Variants in CILK1 observed in about 807,000 individuals in gnomAD.
CILK1 encodes the protein serine/threonine-protein kinase ICK.
CILK1 carries 47 observed loss-of-function variants against 79.2 expected under a neutral mutation model. The observed-to-expected ratio is 0.59, with a 90% CI of 0.47 to 0.76. CILK1 has a LOEUF of 0.76. Ranked by LOEUF, CILK1 falls within the 30% of genes least tolerant of loss-of-function variation. The pLI is 0.00. For missense variants in CILK1, 660 were observed against 769.5 expected, an observed-to-expected ratio of 0.86 and a Z score of 1.68; for synonymous variants, 266 against 275.9, an observed-to-expected ratio of 0.96 and a Z score of 0.36.
rs1235591417 is a variant in CILK1, at chr6:53,009,360, C to T, written c.1621+79G>A. On this transcript the variant is annotated intron_variant, in intron 12 of 13. Coordinates refer to ENST00000676107, the MANE Select transcript of CILK1 (RefSeq NM_014920.5). ...AGGCCCCTGTGCTTCCAAAGCCCGT[C>T]CCATGACTCCTTGTGCCCACCTTCC... 4.3e-6 allele frequency: 6 copies of T among 1,408,634 alleles called. No homozygotes were observed. The Admixed American group carries it at 5.0e-5, about 12-fold the overall frequency. 87.3% of individuals were successfully genotyped at this position (1,408,634 alleles called of 1,614,324 possible). A position where few individuals can be genotyped will look rare whatever the true frequency, so the allele number is the denominator to read the frequency against.
Position 53,006,367 on chromosome 6 carries a change from G to C in CILK1, c.1692C>G (p.Ile564Met). ...NYVPSFLKKEIGSAMQRVHLA... is the reference protein window; with the variant it reads ...NYVPSFLKKEMGSAMQRVHLA... ...GGTGTACCCTCTGCATAGCAGAACC[G>C]ATTTCTTTTTTCAGAAAGGAAGGGA... Residue 564 changes from isoleucine (I) to methionine (M), a missense_variant, in exon 13 of 14, where the codon ATC becomes ATG. Ile to Met is a conservative substitution (Grantham distance 10). Transcript: ENST00000676107. The C allele has an allele frequency of 6.2e-7, 1 of 1,613,738 alleles. No individual in the cohort carries two copies.
intron 11 of CILK1, among the ~76,000 whole-genome samples, chr6:53,011,171 T>A (rs1036123247): frequency 6.6e-6 from 1 of 152,056 alleles, no homozygotes; most frequent in African/African-American, 2.4e-5. Context: ...CTATTGGCCA[T>A]TTCCCCTAAA....
intron 1 of CILK1, among the ~76,000 whole-genome samples, chr6:53,054,157 G>A (rs979611758): frequency 5.3e-5 from 8 of 152,046 alleles, no homozygotes; most frequent in East Asian, 1.9e-4. Context: ...ATTAAACATC[G>A]ATTCCTTCTC....
At chr6:53,041,652 TC>T (rs1274658479) in intron 1 of CILK1, among the ~76,000 whole-genome samples, 1 of 152,186 alleles carries the variant, frequency 6.6e-6, no homozygotes, top group Non-Finnish European at 1.5e-5. Context: ...AAAACTTGAT[TC>T]CCGGCTGGGG....
intron 9 of CILK1, 91 bp downstream of exon 9, chr6:53,013,571 G>A (rs1562007329): frequency 8.0e-7 from 1 of 1,242,326 alleles, no homozygotes; most frequent in Non-Finnish European, 1.2e-6. Flanking sequence ...ACTGGACCCT[G>A]TATACTGAAA....
intron 2 of CILK1, among the ~76,000 whole-genome samples, chr6:53,039,197 T>A (rs759660879): frequency 6.6e-6 from 1 of 152,182 alleles, no homozygotes; most frequent in Non-Finnish European, 1.5e-5. Context: ...GAGAAAGACA[T>A]CCCTCATGAA....
At chr6:53,026,449 T>C (rs1183691859) in intron 5 of CILK1, among the ~76,000 whole-genome samples, 1 of 152,154 alleles carries the variant, frequency 6.6e-6, no homozygotes, top group Non-Finnish European at 1.5e-5. Flanking sequence ...GCGCCCAGCC[T>C]ATAAAGCTTT....
intron 3 of CILK1, among the ~76,000 whole-genome samples, chr6:53,034,696 C>G (rs762250635): frequency 6.6e-6 from 1 of 152,148 alleles, no homozygotes; most frequent in African/African-American, 2.4e-5. Flanking sequence ...TCTTAAGAGG[C>G]AAACAACCTA....
chr6:53,043,492 C>A (rs1245544251), intron 1 of CILK1, among the ~76,000 whole-genome samples: 1 of 152,126 alleles, frequency 6.6e-6, no homozygotes, highest in Non-Finnish European at 1.5e-5. Context: ...ACTCTACCCA[C>A]CCTCAGCTCA....
chr6:53,018,570 G>T (rs1200125014), intron 6 of CILK1, 69 bp from the exon 7 acceptor site: 25 of 1,455,040 alleles, frequency 1.7e-5, no homozygotes, highest in Non-Finnish European at 2.3e-5. Flanking sequence ...ATAACAATCA[G>T]TTCTCAGTGA....
At chr6:53,035,190 G>GA (rs1178181023) in intron 3 of CILK1, among the ~76,000 whole-genome samples, 3 of 152,078 alleles carry the variant, frequency 2.0e-5, no homozygotes, top group Non-Finnish European at 4.4e-5. Context: ...CTGCACTGAA[G>GA]AAAGAAGTTT....
chr6:53,027,866 C>T lies in CILK1; in HGVS notation c.358+3199G>A, dbSNP rs991248841. Among the ~76,000 whole-genome samples the T allele has an allele frequency of 7.2e-5, 11 of 151,876 alleles. No individual in the cohort carries two copies. The South Asian group carries it at 1.3e-3, about 17-fold the overall frequency. On this transcript the variant is annotated intron_variant, in intron 5 of 13. Transcript: ENST00000676107. ...ACTAAAAACACAAAAATTAGCCGGGCGCCGGGCACAGTGGCTCATGCCTGT... is the reference window on the plus strand; with the variant it reads ...ACTAAAAACACAAAAATTAGCCGGGTGCCGGGCACAGTGGCTCATGCCTGT...
chr6:53,059,056 C>T (rs548639675), intron 1 of CILK1, among the ~76,000 whole-genome samples: 1 of 152,300 alleles, frequency 6.6e-6, no homozygotes, highest in South Asian at 2.1e-4. Context: ...ATAATACTTA[C>T]TAAGGATTCA....
chr6:53,015,583 CAT>C (rs1258108601), intron 8 of CILK1, among the ~76,000 whole-genome samples: 1 of 152,118 alleles, frequency 6.6e-6, no homozygotes, highest in Non-Finnish European at 1.5e-5. Context: ...GATTAAAAAT[CAT>C]ATAAAATATA....
chr6:53,033,842 A>C (rs1187559122), intron 3 of CILK1, among the ~76,000 whole-genome samples: 3 of 152,192 alleles, frequency 2.0e-5, no homozygotes. Context: ...GAGAGAGGAA[A>C]TATGGTCAGC....
intron 5 of CILK1, among the ~76,000 whole-genome samples, chr6:53,025,080 G>A (rs536647531): frequency 6.6e-6 from 1 of 152,084 alleles, no homozygotes; most frequent in Admixed American, 6.5e-5. Context: ...TGATTCACCC[G>A]TCTCAGCCTC....
intron 7 of CILK1, 23 bp from the exon 8 acceptor site, chr6:53,016,273 A>C: frequency 6.2e-7 from 1 of 1,613,598 alleles, no homozygotes; most frequent in Non-Finnish European, 8.5e-7. Flanking sequence ...AAAGATAGAA[A>C]ATCTTGCTCA....
At position 53,041,191 on chromosome 6, in the gene CILK1, C is replaced by T. The variant is rs1766685517; in HGVS notation, c.46G>A (p.Gly16Ser). ...TIRQLGDGTY[G>S]SVLLGRSIES... ...ATGCTTCTTCCCAGCAGGACGGAAC[C>T]GTAGGTTCCATCCCCGAGCTGCCTG... The change falls in exon 2 of 14, where the codon GGT (glycine) becomes AGT (serine). Residue 16 changes from glycine to serine, a missense_variant. Transcript: ENST00000676107. The T allele has an allele frequency of 3.1e-6, 5 of 1,614,074 alleles. No homozygotes were observed. The highest frequency in any genetic ancestry group is 4.2e-6 in the Non-Finnish European group (5 of 1,179,958).
chr6:53,006,530 C>CT, intron 12 of CILK1, 93 bp from the exon 13 acceptor site: 1 of 1,423,620 alleles, frequency 7.0e-7, no homozygotes, highest in Non-Finnish European at 9.8e-7. Context: ...CAATAACAAA[C>CT]TAAGTTTTTA....
Sources: gnomAD v4.1 joint callset for allele counts (sites outside exome capture counted in the v4.1 genomes callset) on GRCh38, gnomAD v4.1.1 for gene constraint, MANE v1.5 for transcripts, NCBI Gene and HGNC (gene_info 2026-07-23, HGNC 2026-07-21) for gene names.